STXBP5L: variants seen among roughly 807,000 people sequenced by gnomAD.
STXBP5L encodes the protein syntaxin-binding protein 5-like.
Under a neutral mutation model 144.5 loss-of-function variants are expected in STXBP5L, and 65 were observed. The observed-to-expected ratio is 0.45, with a 90% CI of 0.37 to 0.55. The LOEUF (loss-of-function observed/expected upper bound fraction) is 0.55, where lower values mean the gene tolerates loss of function less well. STXBP5L is among the 20% of genes least tolerant of loss of function. The pLI is 0.00. For missense variants in STXBP5L, 1,298 were observed against 1,405.5 expected (o/e 0.92, Z 1.22); for synonymous variants, 505 against 469.6 (o/e 1.08, Z -0.97).
intron 3 of STXBP5L, among the ~76,000 whole-genome samples, chr3:121,011,011 G>C (rs756613247): frequency 2.0e-5 from 3 of 150,326 alleles, no homozygotes; most frequent in Non-Finnish European, 4.4e-5. Context: ...AATATTATTT[G>C]GGTTCAGTAG....
In STXBP5L at chr3:121,170,078, A is replaced by G. The variant is rs72966171; in HGVS notation, c.877+12451A>G. 2.5e-3 allele frequency among the ~76,000 whole-genome samples: 381 copies of G among 152,238 alleles called. 3 individuals are homozygous for G. Among genetic ancestry groups the G allele is most frequent in the African/African-American group, 8.6e-3 (358 of 41,560 alleles). ...CGCACAACTACTTGGAAACTTAACAACGTGCTCCTGACTACCAGTCAGTAA... is the reference window on the plus strand; with the variant it reads ...CGCACAACTACTTGGAAACTTAACAGCGTGCTCCTGACTACCAGTCAGTAA... On this transcript the variant is annotated intron_variant, in intron 9 of 26. Coordinates refer to ENST00000471454, the MANE Select transcript of STXBP5L (RefSeq NM_001308330.2).
At chr3:121,207,340 A>G (rs1344075302) in intron 10 of STXBP5L, among the ~76,000 whole-genome samples, 3 of 152,214 alleles carry the variant, frequency 2.0e-5, no homozygotes, top group Non-Finnish European at 2.9e-5. Flanking sequence ...TTCACGGTGG[A>G]TTAAAGACTT....
chr3:121,347,968 G>A (rs571091622), intron 20 of STXBP5L, among the ~76,000 whole-genome samples: 1 of 152,036 alleles, frequency 6.6e-6, no homozygotes, highest in Admixed American at 6.6e-5. Flanking sequence ...CTGCCTAATT[G>A]CCCTGGCCAG....
chr3:121,202,860 T>A (rs1161778497), intron 9 of STXBP5L, among the ~76,000 whole-genome samples: 1 of 152,006 alleles, frequency 6.6e-6, no homozygotes, highest in Non-Finnish European at 1.5e-5. Flanking sequence ...TGTTTCTGAG[T>A]AGAGATTTCT....
intron 9 of STXBP5L, among the ~76,000 whole-genome samples, chr3:121,184,553 T>C (rs865802042): frequency 6.6e-6 from 1 of 151,818 alleles, no homozygotes; most frequent in African/African-American, 2.4e-5. Context: ...CTCCAAGAAA[T>C]ACGGGACTGT....
At chr3:121,211,055 A>G (rs1324071939) in intron 10 of STXBP5L, among the ~76,000 whole-genome samples, 1 of 152,112 alleles carries the variant, frequency 6.6e-6, no homozygotes, top group Non-Finnish European at 1.5e-5. Context: ...GATTCTTCCT[A>G]CCCATGTGCA....
At chr3:121,358,920 T>C (rs1490107199) in intron 20 of STXBP5L, among the ~76,000 whole-genome samples, 1 of 152,182 alleles carries the variant, frequency 6.6e-6, no homozygotes, top group African/African-American at 2.4e-5. Context: ...TTTCCAAATA[T>C]AGGATAGTAG....
Position 121,004,479 on chromosome 3 carries a change from A to T in STXBP5L, c.288-37221A>T, listed in dbSNP as rs1172584083. ...AGACAATGGGGTTTTCTAGATATAC[A>T]ATCATGTCGTCTGCAAACAGGGACA... On this transcript the variant is annotated intron_variant, in intron 3 of 26. Transcript: ENST00000471454. 2.6e-5 allele frequency among the ~76,000 whole-genome samples: 4 copies of T among 151,800 alleles called. No homozygotes were observed. In the East Asian group the frequency reaches 7.7e-4, roughly 29 times the overall value.
intron 2 of STXBP5L, among the ~76,000 whole-genome samples, chr3:120,947,927 GTTTATA>G (rs750761442): frequency 3.2e-4 from 49 of 151,792 alleles, no homozygotes; most frequent in Non-Finnish European, 6.6e-4. Flanking sequence ...CAAGAGCTTT[GTTTATA>G]TTTATGTTTT....
At chr3:121,109,213 GT>G (rs2043864158) in intron 5 of STXBP5L, among the ~76,000 whole-genome samples, 1 of 151,982 alleles carries the variant, frequency 6.6e-6, no homozygotes, top group African/African-American at 2.4e-5. Flanking sequence ...TTTTTGAAGG[GT>G]TTTTCATGTC....
chr3:120,998,195 C>T (rs761257253), intron 3 of STXBP5L, among the ~76,000 whole-genome samples: 1 of 152,086 alleles, frequency 6.6e-6, no homozygotes, highest in African/African-American at 2.4e-5. Flanking sequence ...CCCCCTTTTA[C>T]CACTCCAATT....
chr3:121,062,852 C>G (rs566642630), intron 5 of STXBP5L, among the ~76,000 whole-genome samples: 1 of 152,280 alleles, frequency 6.6e-6, no homozygotes, highest in South Asian at 2.1e-4. Context: ...TTTTTCAGCT[C>G]CATCAGGTCA....
chr3:120,978,937 G>A (rs1418342633), intron 3 of STXBP5L, among the ~76,000 whole-genome samples: 1 of 152,168 alleles, frequency 6.6e-6, no homozygotes, highest in Admixed American at 6.5e-5. Context: ...AGCCGTGTGA[G>A]GTGTCAGTCT....
At chr3:121,126,162 C>T (rs556964244) in intron 7 of STXBP5L, among the ~76,000 whole-genome samples, 9 of 152,270 alleles carry the variant, frequency 5.9e-5, no homozygotes, top group African/African-American at 1.9e-4. Flanking sequence ...GTTAAGATAA[C>T]AGTTACTACA....
At chr3:121,055,941 C>A (rs962293420) in intron 5 of STXBP5L, among the ~76,000 whole-genome samples, 7 of 151,802 alleles carry the variant, frequency 4.6e-5, no homozygotes, top group African/African-American at 1.2e-4. Flanking sequence ...AATCCTCCCA[C>A]CTTAGCCTCC....
At chr3:121,050,592 C>G (rs2107587088) in intron 5 of STXBP5L, among the ~76,000 whole-genome samples, 1 of 152,220 alleles carries the variant, frequency 6.6e-6, no homozygotes, top group East Asian at 1.9e-4. Context: ...AAGCACTAAA[C>G]ATGGAAAGGA....
At chr3:121,067,119 G>T (rs938087890) in intron 5 of STXBP5L, among the ~76,000 whole-genome samples, 4 of 151,780 alleles carry the variant, frequency 2.6e-5, no homozygotes, top group Admixed American at 2.0e-4. Flanking sequence ...TCAAAGTACT[G>T]ATAGAATTCT....
At chr3:121,409,854 T>C (rs1041800097) in intron 23 of STXBP5L, among the ~76,000 whole-genome samples, 2 of 151,830 alleles carry the variant, frequency 1.3e-5, no homozygotes, top group African/African-American at 4.8e-5. Flanking sequence ...TTATGGGCCC[T>C]TTTCCCCTGG....
At chr3:121,112,965 T>C (rs145331446) in intron 5 of STXBP5L, among the ~76,000 whole-genome samples, 6 of 152,264 alleles carry the variant, frequency 3.9e-5, no homozygotes, top group Non-Finnish European at 8.8e-5. Context: ...GTTACTCTTT[T>C]TGGGGGGGTT....
Sources: gnomAD v4.1 joint callset for allele counts (sites outside exome capture counted in the v4.1 genomes callset) on GRCh38, gnomAD v4.1.1 for gene constraint, MANE v1.5 for transcripts, NCBI Gene and HGNC (gene_info 2026-07-23, HGNC 2026-07-21) for gene names.